The following KLRG1 variants were observed in gnomAD, a reference collection of about 807,000 sequenced individuals.
The protein encoded by KLRG1 is killer cell lectin like receptor G1.
In KLRG1, 16 loss-of-function variants were observed where a neutral mutation model predicts 21.8. The ratio of observed to expected loss-of-function variants is 0.73; its 90% CI spans 0.50 to 1.11. KLRG1 has a LOEUF of 1.11. KLRG1 is among the 50% of genes most tolerant of loss of function. The probability of loss-of-function intolerance (pLI) is 0.00; values close to 1 mark genes in which losing one functional copy is unlikely to be tolerated. For synonymous variants in KLRG1, 69 were observed against 75.9 expected (o/e 0.91, Z 0.47); for missense variants, 173 against 218.3 (o/e 0.79, Z 1.31).
intron 1 of KLRG1, among the ~76,000 whole-genome samples, chr12:8,972,190 C>A (rs1055243587): frequency 6.6e-6 from 1 of 152,086 alleles, no homozygotes; most frequent in Non-Finnish European, 1.5e-5. Context: ...CGGAGTCTCG[C>A]TCTGTCGCCC....
At chr12:9,173,384 A>T in the KLRG1 span, among the ~76,000 whole-genome samples, 4 of 152,214 alleles carry the variant, frequency 2.6e-5, no homozygotes, top group Non-Finnish European at 5.9e-5. Flanking sequence ...AAGATATCAA[A>T]TCAACAACCT....
At chr12:9,123,607 A>G in the KLRG1 span, among the ~76,000 whole-genome samples, 31 of 152,322 alleles carry the variant, frequency 2.0e-4, no homozygotes, top group African/African-American at 7.5e-4. Flanking sequence ...GGAATTTTCC[A>G]TTTAATATTT....
chr12:9,042,777 T>C, the KLRG1 span, among the ~76,000 whole-genome samples: 1 of 152,056 alleles, frequency 6.6e-6, no homozygotes, highest in Non-Finnish European at 1.5e-5. Context: ...ACTTTTATAG[T>C]CAGGAAGCAG....
the KLRG1 span, among the ~76,000 whole-genome samples, chr12:9,061,836 T>C: frequency 1.3e-5 from 2 of 152,104 alleles, no homozygotes; most frequent in African/African-American, 4.8e-5. Flanking sequence ...TACTTTACGT[T>C]TCTTGAATTT....
the KLRG1 span, among the ~76,000 whole-genome samples, chr12:9,184,332 C>T: frequency 3.7e-4 from 56 of 152,302 alleles, no homozygotes; most frequent in South Asian, 0.011. Flanking sequence ...CCACCCCTAG[C>T]CATGTACAGA....
chr12:9,115,901 C>T, the KLRG1 span: 1 of 1,454,948 alleles, frequency 6.9e-7, no homozygotes, highest in South Asian at 1.1e-5. Context: ...ACCCTACTCC[C>T]TACAATCCAT....
the KLRG1 span, chr12:9,149,549 G>T: frequency 5.6e-6 from 9 of 1,610,300 alleles, no homozygotes; most frequent in South Asian, 7.7e-5. Flanking sequence ...GTCATAAGTG[G>T]TGAACTCTTA....
chr12:9,065,443 C>T, the KLRG1 span, among the ~76,000 whole-genome samples: 1 of 152,126 alleles, frequency 6.6e-6, no homozygotes, highest in Non-Finnish European at 1.5e-5. Flanking sequence ...AGAGCAAGGT[C>T]GGGCCGAGCC....
chr12:9,102,196 G>A, the KLRG1 span, among the ~76,000 whole-genome samples: 1 of 152,174 alleles, frequency 6.6e-6, no homozygotes, highest in East Asian at 1.9e-4. Context: ...ACCTCTTCTG[G>A]GCTATCTTAG....
chr12:8,978,680 CTTTCTTTCTT>C (rs1230083824), intron 1 of KLRG1, among the ~76,000 whole-genome samples: 2 of 124,502 alleles, frequency 1.6e-5, no homozygotes, highest in African/African-American at 5.7e-5. Context: ...TTCTTTCTTT[CTTTCTTTCTT>C]TTTCTTTCTT....
chr12:9,157,484 C>T, the KLRG1 span: 1 of 882,864 alleles, frequency 1.1e-6, no homozygotes, highest in Non-Finnish European at 1.7e-6. Flanking sequence ...AGATATTCAT[C>T]ATATTTAAAT....
At chr12:9,168,965 A>T in the KLRG1 span, 1 of 1,612,506 alleles carries the variant, frequency 6.2e-7, no homozygotes, top group African/African-American at 1.3e-5. Flanking sequence ...AACACCTTCA[A>T]TCCCATCCCC....
chr12:9,157,042 G>GT, the KLRG1 span: 2 of 738,006 alleles, frequency 2.7e-6, no homozygotes, highest in Admixed American at 6.0e-5. Flanking sequence ...TGGTTATTAG[G>GT]TCCCCCATGC....
At chr12:9,035,188 G>T in the KLRG1 span, among the ~76,000 whole-genome samples, 2 of 152,086 alleles carry the variant, frequency 1.3e-5, no homozygotes, top group Admixed American at 6.6e-5. Context: ...AACTACCTTG[G>T]AACCAACCCA....
the KLRG1 span, chr12:9,055,775 G>A: frequency 6.6e-6 from 1 of 152,598 alleles, no homozygotes; most frequent in Non-Finnish European, 1.5e-5. Flanking sequence ...GGATGACTTC[G>A]GGCTTGCCAA....
the KLRG1 span, among the ~76,000 whole-genome samples, chr12:9,034,637 G>A: frequency 2.0e-5 from 3 of 152,128 alleles, no homozygotes; most frequent in East Asian, 3.9e-4. Flanking sequence ...TAGTAGAGAC[G>A]GGTTTCATCA....
intron 1 of KLRG1, among the ~76,000 whole-genome samples, chr12:8,953,242 T>C (rs1433739839): frequency 1.3e-5 from 2 of 152,296 alleles, no homozygotes; most frequent in East Asian, 3.9e-4. Context: ...GGGGATGTGG[T>C]AGGTGGAGGT....
chr12:9,159,169 C>G, the KLRG1 span, among the ~76,000 whole-genome samples: 1 of 152,068 alleles, frequency 6.6e-6, no homozygotes, highest in Non-Finnish European at 1.5e-5. Flanking sequence ...CCTCTTAGGG[C>G]TGAGCAACAA....
intron 1 of KLRG1, among the ~76,000 whole-genome samples, chr12:8,980,682 G>A (rs1355293909): frequency 6.6e-6 from 1 of 152,202 alleles, no homozygotes; most frequent in Non-Finnish European, 1.5e-5. Context: ...GGGTAAATAA[G>A]CAGCATTCAT....
Sources: gnomAD v4.1 joint callset for allele counts (sites outside exome capture counted in the v4.1 genomes callset) on GRCh38, gnomAD v4.1.1 for gene constraint, MANE v1.5 for transcripts, NCBI Gene and HGNC (gene_info 2026-07-23, HGNC 2026-07-21) for gene names.